RFX3: variants seen among roughly 807,000 people sequenced by gnomAD.
RFX3 encodes the protein transcription factor RFX3.
RFX3 carries 14 observed loss-of-function variants against 98.6 expected under a neutral mutation model. The ratio of observed to expected loss-of-function variants is 0.14; its 90% CI spans 0.09 to 0.22. The LOEUF is 0.22. Ranked by LOEUF, RFX3 falls within the 10% of genes least tolerant of loss-of-function variation. RFX3 has a pLI of 1.00. For synonymous variants in RFX3, 383 were observed against 328.4 expected (o/e 1.17, Z -1.80); for missense variants, 639 against 926.9 (o/e 0.69, Z 4.03).
At chr9:3,343,171 G>T (rs1274332223) in intron 3 of RFX3, among the ~76,000 whole-genome samples, 2 of 152,170 alleles carry the variant, frequency 1.3e-5, no homozygotes, top group East Asian at 3.9e-4. Flanking sequence ...ATCACTTCTT[G>T]AGTGAGACCC....
At chr9:3,481,382 A>G (rs1849744116) in intron 1 of RFX3, among the ~76,000 whole-genome samples, 1 of 152,152 alleles carries the variant, frequency 6.6e-6, no homozygotes, top group Non-Finnish European at 1.5e-5. Context: ...TTATTTTTAT[A>G]TACAGCTATT....
chr9:3,389,507 TATG>T (rs1399883090), intron 2 of RFX3, among the ~76,000 whole-genome samples: 3 of 152,166 alleles, frequency 2.0e-5, no homozygotes, highest in African/African-American at 7.2e-5. Context: ...AATAAGACTC[TATG>T]ATGTTTTGTG....
At chr9:3,266,332 T>TAA in intron 11 of RFX3, 27 bp from the exon 12 acceptor site, 1 of 1,410,444 alleles carries the variant, frequency 7.1e-7, no homozygotes, top group Non-Finnish European at 1.0e-6. Context: ...AAAAGCAGGA[T>TAA]AAAAAAAAGT....
intron 1 of RFX3, among the ~76,000 whole-genome samples, chr9:3,498,904 T>C (rs928471745): frequency 6.6e-6 from 1 of 151,984 alleles, no homozygotes; most frequent in Admixed American, 6.6e-5. Flanking sequence ...GGATAAGGAG[T>C]ACTAATAAAC....
chr9:3,364,294 T>C (rs577789735), intron 2 of RFX3: 320 of 154,746 alleles, frequency 2.1e-3, no homozygotes, highest in Non-Finnish European at 3.7e-3. Context: ...ATTTTAGTAA[T>C]TGACTAGGTT....
rs748508087 is a variant in RFX3 at position 3,291,426 on chromosome 9, AAAACAAAAC to A, written c.731+1642_731+1650del. On this transcript the variant is annotated intron_variant, in intron 6 of 16. Coordinates refer to ENST00000617270, the MANE Select transcript of RFX3 (RefSeq NM_001282116.2). Reference sequence around the variant, plus strand: ...AAAACAAAACAAAACAAAACAAAACAAAACAAAACAGACCTTGCTGAGTTTCCCCCAGAT... The same window carrying A: ...AAAACAAAACAAAACAAAACAAAACAAGACCTTGCTGAGTTTCCCCCAGAT... Among the ~76,000 whole-genome samples the A allele has an allele frequency of 1.8e-3, 258 of 141,812 alleles. 1 individual carries two copies. Among genetic ancestry groups the A allele is most frequent in the African/African-American group, 3.6e-3 (134 of 36,870 alleles). 93.0% of individuals were successfully genotyped at this position (141,812 alleles called of 152,430 possible). A position where few individuals can be genotyped will look rare whatever the true frequency, so the allele number is the denominator to read the frequency against.
intron 3 of RFX3, among the ~76,000 whole-genome samples, chr9:3,333,412 A>T (rs1832814063): frequency 6.6e-6 from 1 of 151,566 alleles, no homozygotes; most frequent in East Asian, 1.9e-4. Context: ...TGGGGTGATG[A>T]TAGAAACAAA....
chr9:3,418,623 G>A (rs554949702), intron 1 of RFX3, among the ~76,000 whole-genome samples: 53 of 152,200 alleles, frequency 3.5e-4, no homozygotes, highest in East Asian at 3.1e-3. Flanking sequence ...CAGGCGATCC[G>A]TCTGCCTTGG....
At chr9:3,403,413 T>C (rs1014911539) in intron 1 of RFX3, among the ~76,000 whole-genome samples, 8 of 152,180 alleles carry the variant, frequency 5.3e-5, no homozygotes, top group African/African-American at 1.9e-4. Flanking sequence ...TAAATCTTTG[T>C]ACTAAATTGA....
intron 15 of RFX3, among the ~76,000 whole-genome samples, chr9:3,242,266 T>C (rs1247941054): frequency 9.8e-5 from 15 of 152,322 alleles, no homozygotes; most frequent in African/African-American, 3.1e-4. Context: ...ACATCTAGAA[T>C]AGGGATTGGC....
chr9:3,355,270 G>C (rs1474909034), intron 2 of RFX3, among the ~76,000 whole-genome samples: 1 of 151,820 alleles, frequency 6.6e-6, no homozygotes. Context: ...CTAATTGTCA[G>C]AGTGGGTAAA....
At chr9:3,357,987 C>T (rs1835972421) in intron 2 of RFX3, among the ~76,000 whole-genome samples, 1 of 151,938 alleles carries the variant, frequency 6.6e-6, no homozygotes, top group African/African-American at 2.4e-5. Flanking sequence ...GGTGGTAGCA[C>T]ATAGCTTAGT....
At chr9:3,308,913 A>G (rs1410855804) in intron 4 of RFX3, among the ~76,000 whole-genome samples, 2 of 152,144 alleles carry the variant, frequency 1.3e-5, no homozygotes, top group African/African-American at 4.8e-5. Context: ...CAAACTTTGA[A>G]TCCTTGAAAG....
chr9:3,264,390 G>T (rs1823338024), intron 12 of RFX3, among the ~76,000 whole-genome samples: 1 of 152,090 alleles, frequency 6.6e-6, no homozygotes, highest in Non-Finnish European at 1.5e-5. Context: ...ATGATCAATT[G>T]GGAGCGGTAG....
chr9:3,373,199 C>T lies in RFX3; in HGVS notation c.117+22273G>A, dbSNP rs548980026. On this transcript the variant is annotated intron_variant, in intron 2 of 16. Coordinates refer to ENST00000617270, the MANE Select transcript of RFX3 (RefSeq NM_001282116.2). ...ACCAAACTGACCTCACTGACTACTC[C>T]GAGACAGTGAGAGAGAATGGATGAG... Among the ~76,000 whole-genome samples the T allele has an allele frequency of 3.3e-5, 5 of 152,136 alleles. No homozygotes were observed. The South Asian group carries it at 8.3e-4, about 25-fold the overall frequency.
chr9:3,255,233 T>A (rs536192768), intron 14 of RFX3, among the ~76,000 whole-genome samples: 1 of 152,194 alleles, frequency 6.6e-6, no homozygotes, highest in Non-Finnish European at 1.5e-5. Context: ...ACTACCATCA[T>A]AATTAAAAGA....
In RFX3 at chr9:3,225,187, G is replaced by A. The variant is rs747687105; in HGVS notation, c.2105C>T (p.Ala702Val). ...AKREKTELSQ[A>V]FPVGCMQPVL... ...AGGCTGCATGCAGCCCACTGGAAAT[G>A]CCTGGCTCAGCTCTGTTTTCTCTCT... The change falls in exon 17 of 17, where the codon GCA becomes GTA. Residue 702 changes from alanine (A) to valine (V), a missense_variant. Coordinates refer to ENST00000617270, the MANE Select transcript of RFX3 (RefSeq NM_001282116.2). 10 of 1,613,932 alleles carry A rather than the reference G, an allele frequency of 6.2e-6. 1 individual carries two copies. The South Asian group carries it at 9.9e-5, about 16-fold the overall frequency.
chr9:3,231,304 T>C (rs1020086188), intron 15 of RFX3, among the ~76,000 whole-genome samples: 1 of 152,184 alleles, frequency 6.6e-6, no homozygotes, highest in Non-Finnish European at 1.5e-5. Context: ...GGCTTTTATA[T>C]GCATTTTACA....
chr9:3,270,304 T>A, intron 11 of RFX3, 67 bp downstream of exon 11: 1 of 1,468,980 alleles, frequency 6.8e-7, no homozygotes, highest in Non-Finnish European at 9.2e-7. Flanking sequence ...GCAATGTCAC[T>A]TCTCAAAACT....
Sources: gnomAD v4.1 joint callset for allele counts (sites outside exome capture counted in the v4.1 genomes callset) on GRCh38, gnomAD v4.1.1 for gene constraint, MANE v1.5 for transcripts, NCBI Gene and HGNC (gene_info 2026-07-23, HGNC 2026-07-21) for gene names.